ICA1: variants seen among roughly 807,000 people sequenced by gnomAD.
The protein encoded by ICA1 is islet cell autoantigen 1, also known as 69 kDa islet cell autoantigen.
A neutral mutation model predicts 71.0 loss-of-function variants in ICA1; 40 were observed. The observed-to-expected ratio is 0.56, with a 90% CI of 0.44 to 0.73. ICA1 has a LOEUF of 0.73. Ranked by LOEUF, ICA1 falls within the 30% of genes least tolerant of loss-of-function variation. The pLI is 0.00. For missense variants in ICA1, 578 were observed against 576.5 expected, an observed-to-expected ratio of 1.00 and a Z score of -0.03; for synonymous variants, 207 against 209.5, an observed-to-expected ratio of 0.99 and a Z score of 0.10.
chr7:8,210,887 A>C (rs1036557984), intron 6 of ICA1, among the ~76,000 whole-genome samples: 10 of 152,116 alleles, frequency 6.6e-5, no homozygotes, highest in Non-Finnish European at 1.5e-4. Flanking sequence ...GGGAAATTTT[A>C]AAGCAAAATG....
At chr7:8,133,289 T>G (rs1281602054) in intron 12 of ICA1, among the ~76,000 whole-genome samples, 2 of 152,210 alleles carry the variant, frequency 1.3e-5, no homozygotes, top group African/African-American at 4.8e-5. Flanking sequence ...ATTCCATTTC[T>G]TTCTTTTCTT....
intron 6 of ICA1, among the ~76,000 whole-genome samples, chr7:8,193,983 T>C (rs960485204): frequency 9.9e-5 from 15 of 152,258 alleles, no homozygotes; most frequent in African/African-American, 2.9e-4. Context: ...AACAGCATTC[T>C]TTTCATTTTC....
chr7:8,114,064 CAT>C lies in ICA1; in HGVS notation c.1331-22_1331-21del. On this transcript the variant is annotated intron_variant, in intron 13 of 13. Transcript: ENST00000402384. ...CAGGTTCTGGGGAGAGAAGAGGAAA[CAT>C]GAGCAAACGCACCTTCCAAATGTCC... The C allele has an allele frequency of 6.2e-7, 1 of 1,614,100 alleles. No individual in the cohort carries two copies. Among genetic ancestry groups the C allele is most frequent in the Non-Finnish European group, 8.5e-7 (1 of 1,179,954 alleles).
intron 6 of ICA1, among the ~76,000 whole-genome samples, chr7:8,168,357 A>G (rs1806943305): frequency 6.6e-6 from 1 of 152,124 alleles, no homozygotes; most frequent in Non-Finnish European, 1.5e-5. Context: ...TACATGCCAT[A>G]ACATTTGTTT....
chr7:8,215,756 C>T (rs1464050237), intron 6 of ICA1, among the ~76,000 whole-genome samples: 2 of 152,188 alleles, frequency 1.3e-5, no homozygotes, highest in Non-Finnish European at 2.9e-5. Flanking sequence ...TAGCAAAATA[C>T]TACTTTAGCT....
chr7:8,164,698 C>G (rs185343459), intron 6 of ICA1, among the ~76,000 whole-genome samples: 1 of 152,306 alleles, frequency 6.6e-6, no homozygotes, highest in Non-Finnish European at 1.5e-5. Context: ...ATTTTAAGAT[C>G]ACTGAATATA....
chr7:8,199,763 T>C (rs1368381438), intron 6 of ICA1, among the ~76,000 whole-genome samples: 1 of 152,046 alleles, frequency 6.6e-6, no homozygotes, highest in Non-Finnish European at 1.5e-5. Flanking sequence ...TGCAACAACA[T>C]GGATGGAACT....
In ICA1 at chr7:8,113,891, G is replaced by T; in HGVS notation, c.*32C>A. The T allele has an allele frequency of 6.2e-7, 1 of 1,613,092 alleles. No individual in the cohort carries two copies. On this transcript the variant is annotated 3_prime_UTR_variant, in exon 14 of 14. Transcript: ENST00000402384. This position sits in a 1 kb window ranked among gnomAD's most constrained non-coding sequence, Gnocchi z 4.2. ...AGCCCCCAGGGGAGCTGCTGGGGGC[G>T]GCATGTGAGTGCCCTCCCGAAGGGT...
chr7:8,145,930 C>T (rs181662839), intron 8 of ICA1, among the ~76,000 whole-genome samples: 1 of 152,184 alleles, frequency 6.6e-6, no homozygotes, highest in African/African-American at 2.4e-5. Context: ...TGCATTCCTT[C>T]ACCAATATTC....
chr7:8,252,459 G>A (rs1052989290), intron 1 of ICA1, among the ~76,000 whole-genome samples: 1 of 152,076 alleles, frequency 6.6e-6, no homozygotes, highest in Non-Finnish European at 1.5e-5. Context: ...TTTTATGGAA[G>A]AATAACCTCA....
chr7:8,250,813 G>C (rs1303802435), intron 1 of ICA1, among the ~76,000 whole-genome samples: 1 of 152,134 alleles, frequency 6.6e-6, no homozygotes, highest in Non-Finnish European at 1.5e-5. Flanking sequence ...TAAAAGGTGA[G>C]TTTTTATTTT....
At chr7:8,135,803 T>A (rs1440086649) in intron 12 of ICA1, among the ~76,000 whole-genome samples, 1 of 152,232 alleles carries the variant, frequency 6.6e-6, no homozygotes, top group Non-Finnish European at 1.5e-5. Flanking sequence ...CTTAGTCTTG[T>A]CCTGGAGAGG....
Position 8,130,028 on chromosome 7 carries a change from A to C in ICA1, c.1061-1886T>G, listed in dbSNP as rs895173226. Among the ~76,000 whole-genome samples, 1 of 152,118 alleles carries C rather than the reference A, an allele frequency of 6.6e-6. No individual in the cohort carries two copies. The highest frequency in any genetic ancestry group is 1.5e-5 in the Non-Finnish European group (1 of 68,022). ...CTTCATCCATGTCCCTACAAAGGAC[A>C]TGAACTCATCCTTTTTTATGGCTGC... On this transcript the variant is annotated intron_variant, in intron 12 of 13. Coordinates refer to ENST00000402384, the MANE Select transcript of ICA1 (RefSeq NM_001136020.3). The surrounding 1 kb of genome is among the most constrained non-coding windows in gnomAD (Gnocchi z 4.2).
Position 8,132,010 on chromosome 7 carries a change from C to T in ICA1, c.1061-3868G>A, listed in dbSNP as rs2128089055. Among the ~76,000 whole-genome samples, 1 of 152,318 alleles carries T rather than the reference C, an allele frequency of 6.6e-6. No individual in the cohort carries two copies. Among genetic ancestry groups the T allele is most frequent in the Non-Finnish European group, 1.5e-5 (1 of 68,038 alleles). On this transcript the variant is annotated intron_variant, in intron 12 of 13. Coordinates refer to ENST00000402384, the MANE Select transcript of ICA1 (RefSeq NM_001136020.3). This position sits in a 1 kb window ranked among gnomAD's most constrained non-coding sequence, Gnocchi z 4.5. Reference sequence around the variant, plus strand: ...GGATGAACAAGGGTTGAGGATCTCTCAGGTGCCAAACCCACAGATGCTACA... The same window carrying T: ...GGATGAACAAGGGTTGAGGATCTCTTAGGTGCCAAACCCACAGATGCTACA...
At chr7:8,174,778 A>ACAAAAAACCAAAAAAG (rs1780043325) in intron 6 of ICA1, among the ~76,000 whole-genome samples, 1 of 148,818 alleles carries the variant, frequency 6.7e-6, no homozygotes, top group Non-Finnish European at 1.5e-5. Flanking sequence ...AAAAAAAAAA[A>ACAAAAAACCAAAAAAG]ACAGAGAGAG....
chr7:8,239,752 G>A (rs1235746805), intron 1 of ICA1, among the ~76,000 whole-genome samples: 1 of 152,204 alleles, frequency 6.6e-6, no homozygotes, highest in Non-Finnish European at 1.5e-5. Context: ...TATATCCCAC[G>A]CCTGGCTCGG....
chr7:8,209,245 A>T (rs1449944136), intron 6 of ICA1, among the ~76,000 whole-genome samples: 1 of 152,206 alleles, frequency 6.6e-6, no homozygotes, highest in East Asian at 1.9e-4. Flanking sequence ...GCCTCTCAAG[A>T]GAGATGTGGT....
At chr7:8,241,696 C>T (rs998514574) in intron 1 of ICA1, among the ~76,000 whole-genome samples, 1 of 152,016 alleles carries the variant, frequency 6.6e-6, no homozygotes, top group Non-Finnish European at 1.5e-5. Flanking sequence ...CACACATAGG[C>T]TCAAAATAAA....
rs1433478046 is a variant in ICA1 at position 8,254,209 on chromosome 7, C to G, written c.-80+7885G>C. Among the ~76,000 whole-genome samples the G allele has an allele frequency of 2.0e-5, 3 of 152,194 alleles. No individual in the cohort carries two copies. In the East Asian group the frequency reaches 5.8e-4, roughly 29 times the overall value. Reference sequence around the variant, plus strand: ...TTAAATTACTGAACTATGCAGACACCAATATGTGGTTTATAAAATGTGTAT... The same window carrying G: ...TTAAATTACTGAACTATGCAGACACGAATATGTGGTTTATAAAATGTGTAT... On this transcript the variant is annotated intron_variant, in intron 1 of 13. Coordinates refer to ENST00000402384, the MANE Select transcript of ICA1 (RefSeq NM_001136020.3).
Sources: allele counts gnomAD v4.1 joint callset (sites outside exome capture counted in the v4.1 genomes callset), GRCh38; gene constraint gnomAD v4.1.1; non-coding constraint Gnocchi (gnomAD v3.1); transcripts MANE v1.5; gene names NCBI Gene and HGNC (gene_info 2026-07-23, HGNC 2026-07-21).